The following HHIPL1 variants were observed in gnomAD, a reference collection of about 807,000 sequenced individuals.
HHIPL1 encodes the protein HHIP like 1.
In HHIPL1, 43 loss-of-function variants were observed where a neutral mutation model predicts 61.8. The observed-to-expected ratio is 0.70, with a 90% confidence interval of 0.55 to 0.90. The LOEUF (loss-of-function observed/expected upper bound fraction) is 0.90, where lower values mean the gene tolerates loss of function less well. HHIPL1 is among the 40% of genes least tolerant of loss of function. HHIPL1 has a pLI of 0.00. For synonymous variants in HHIPL1, 482 were observed against 515.8 expected, an observed-to-expected ratio of 0.93 and a Z score of 0.89; for missense variants, 1,056 against 1,157.7, an observed-to-expected ratio of 0.91 and a Z score of 1.28.
At chr14:99,614,915 A>C in the HHIPL1 span, among the ~76,000 whole-genome samples, 1 of 152,218 alleles carries the variant, frequency 6.6e-6, no homozygotes, top group African/African-American at 2.4e-5. Flanking sequence ...TCTGGGACTC[A>C]TGGACACAAG....
chr14:99,670,970 G>A (rs1007750688), intron 7 of HHIPL1, among the ~76,000 whole-genome samples: 11 of 152,192 alleles, frequency 7.2e-5, no homozygotes, highest in African/African-American at 2.4e-4. Flanking sequence ...TTCCAATCCC[G>A]TTTCCCTATT....
Position 99,660,171 on chromosome 14 carries a change from C to T in HHIPL1, c.1376-109C>T. The T allele has an allele frequency of 1.5e-6, 2 of 1,345,742 alleles. No individual in the cohort carries two copies. Among genetic ancestry groups the T allele is most frequent in the Non-Finnish European group, 2.0e-6 (2 of 976,018 alleles). 83.4% of individuals were successfully genotyped at this position (1,345,742 alleles called of 1,614,324 possible). On this transcript the variant is annotated intron_variant, in intron 4 of 8. Coordinates refer to ENST00000330710, the MANE Select transcript of HHIPL1 (RefSeq NM_001127258.3). This position sits in a 1 kb window ranked among gnomAD's most constrained non-coding sequence, Gnocchi z 4.9. Reference sequence around the variant, plus strand: ...CACGCCAGCCCTGCTGTGGGCACGCCCCTCCCTCCGTGGCCGCCCCACCCC... The same window carrying T: ...CACGCCAGCCCTGCTGTGGGCACGCTCCTCCCTCCGTGGCCGCCCCACCCC...
chr14:99,645,009 G>T, upstream of HHIPL1: 1 of 421,462 alleles, frequency 2.4e-6, no homozygotes, highest in Non-Finnish European at 4.0e-6. Flanking sequence ...AGGTCGTGCC[G>T]CATTCTGCGC....
chr14:99,676,399 A>T lies in HHIPL1; in HGVS notation c.*773A>T, dbSNP rs1357653320. The T allele has an allele frequency of 1.3e-5, 2 of 152,296 alleles. No individual in the cohort carries two copies. The highest frequency in any genetic ancestry group is 4.8e-5 in the African/African-American group (2 of 41,436). 9.4% of individuals were successfully genotyped at this position (152,296 alleles called of 1,614,324 possible). A position where few individuals can be genotyped will look rare whatever the true frequency, so the allele number is the denominator to read the frequency against. On this transcript the variant is annotated 3_prime_UTR_variant, in exon 9 of 9. Coordinates refer to ENST00000330710, the MANE Select transcript of HHIPL1 (RefSeq NM_001127258.3). ...CAGCCTCCTCCAACCCTGAGGCCTG[A>T]TTCTCTCTTGCTCTTGGGGCAGAAG...
upstream of HHIPL1, among the ~76,000 whole-genome samples, chr14:99,642,646 C>T (rs1349861636): frequency 6.6e-6 from 1 of 152,058 alleles, no homozygotes; most frequent in Non-Finnish European, 1.5e-5. Context: ...CTGCCTCGGC[C>T]TCCCAAGTAG....
the HHIPL1 span, among the ~76,000 whole-genome samples, chr14:99,610,563 C>T: frequency 6.6e-6 from 1 of 152,174 alleles, no homozygotes; most frequent in Admixed American, 6.5e-5. Context: ...AGTTCGAGAC[C>T]AGCCTGGCTA....
At chr14:99,637,319 T>C in the HHIPL1 span, among the ~76,000 whole-genome samples, 1 of 151,968 alleles carries the variant, frequency 6.6e-6, no homozygotes, top group Non-Finnish European at 1.5e-5. Context: ...CCTAGCACTT[T>C]GGGAGGCCGA....
chr14:99,661,343 C>A (rs1566813221), intron 5 of HHIPL1, among the ~76,000 whole-genome samples: 1 of 149,278 alleles, frequency 6.7e-6, no homozygotes, highest in Non-Finnish European at 1.5e-5. Context: ...AGGACTGAAT[C>A]AGTTAATACA....
intron 6 of HHIPL1, among the ~76,000 whole-genome samples, chr14:99,667,332 T>C (rs1221822236): frequency 6.6e-6 from 1 of 151,914 alleles, no homozygotes; most frequent in Admixed American, 6.6e-5. Flanking sequence ...TTTTTTTTTT[T>C]TCTCAGCTGT....
Position 99,652,580 on chromosome 14 carries a change from T to C in HHIPL1, c.612T>C (p.Asp204=). 1.9e-6 allele frequency: 3 copies of C among 1,613,190 alleles called. No individual in the cohort carries two copies. The highest frequency in any genetic ancestry group is 2.2e-5 in the South Asian group (2 of 91,038). The part of the protein sequence containing the change: ...RNPVAMVHAR[D]GTHRFFVAEQ... ...CCGTGGCCATGGTCCATGCCAGGGA[T>C]GGCACCCACCGCTTCTTCGTGGCCG... Residue 204 remains aspartate (D), a synonymous_variant, in exon 2 of 9, where the codon GAT becomes GAC. Coordinates refer to ENST00000330710, the MANE Select transcript of HHIPL1 (RefSeq NM_001127258.3).
rs2056415677 is a variant in HHIPL1 at position 99,678,960 on chromosome 14, G to C, written c.*3334G>C. The C allele has an allele frequency of 6.6e-6, 1 of 152,230 alleles. No individual in the cohort carries two copies. Among genetic ancestry groups the C allele is most frequent in the Admixed American group, 6.5e-5 (1 of 15,284 alleles). 9.4% of individuals were successfully genotyped at this position (152,230 alleles called of 1,614,324 possible). A position where few individuals can be genotyped will look rare whatever the true frequency, so the allele number is the denominator to read the frequency against. ...TTCTACAACAGCTGACCTCTGCTGA[G>C]CGCTTACTACATGCCAAGCACTGCT... On this transcript the variant is annotated 3_prime_UTR_variant, in exon 9 of 9. Transcript: ENST00000330710.
At chr14:99,619,966 A>T in the HHIPL1 span, among the ~76,000 whole-genome samples, 1 of 152,192 alleles carries the variant, frequency 6.6e-6, no homozygotes, top group Non-Finnish European at 1.5e-5. Flanking sequence ...TGGCCCCAGG[A>T]TGAGGATCCG....
intron 2 of HHIPL1, among the ~76,000 whole-genome samples, chr14:99,656,100 G>A (rs1595154704): frequency 6.6e-6 from 1 of 152,170 alleles, no homozygotes; most frequent in South Asian, 2.1e-4. Flanking sequence ...TGAGTGCACC[G>A]CACACCGTCC....
the HHIPL1 span, among the ~76,000 whole-genome samples, chr14:99,635,514 C>T: frequency 6.6e-6 from 1 of 152,140 alleles, no homozygotes; most frequent in African/African-American, 2.4e-5. Flanking sequence ...CTCCCTGGGC[C>T]TCAGTTTCCC....
rs1293867801 is a variant in HHIPL1, at chr14:99,679,479, G to A, written c.*3853G>A. On this transcript the variant is annotated 3_prime_UTR_variant, in exon 9 of 9. Transcript: ENST00000330710. ...CTGGAGCCTCAGGGTCAATGCTGCA[G>A]GGGTGGCCCAGTGTCCAGGACTGTG... 1 of 152,444 alleles carries A rather than the reference G, an allele frequency of 6.6e-6. No homozygotes were observed. The highest frequency in any genetic ancestry group is 1.5e-5 in the Non-Finnish European group (1 of 68,202). 9.4% of individuals were successfully genotyped at this position (152,444 alleles called of 1,614,324 possible).
At chr14:99,663,080 C>G in intron 6 of HHIPL1, 59 bp downstream of exon 6, 2 of 1,482,816 alleles carry the variant, frequency 1.3e-6, no homozygotes, top group Non-Finnish European at 1.8e-6. Flanking sequence ...GGTCCTCCAC[C>G]CTGTGGTCCT....
chr14:99,644,295 A>G (rs1379500804), upstream of HHIPL1, among the ~76,000 whole-genome samples: 1 of 152,164 alleles, frequency 6.6e-6, no homozygotes. Flanking sequence ...AGGACACTCC[A>G]GGGAGAAGCA....
At chr14:99,632,172 A>G in the HHIPL1 span, among the ~76,000 whole-genome samples, 2 of 152,230 alleles carry the variant, frequency 1.3e-5, no homozygotes, top group African/African-American at 4.8e-5. Flanking sequence ...GGCAGAAAGA[A>G]CAGGAGTAGC....
In HHIPL1 at chr14:99,675,088, CAG is replaced by C. The variant is rs1321476079; in HGVS notation, c.1814_1815del. 8.6e-7 allele frequency: 1 copy of C among 1,167,212 alleles called. No homozygotes were observed. Among genetic ancestry groups the C allele is most frequent in the African/African-American group, 1.7e-5 (1 of 60,042 alleles). 72.3% of individuals were successfully genotyped at this position (1,167,212 alleles called of 1,614,324 possible). ...TCTGACGGCATACTCTTCCTCTGCG[CAG>C]AGTTCATCCCGAAGACACGGAGCAC... On this transcript the variant is annotated splice_acceptor_variant, in intron 8 of 8. Coordinates refer to ENST00000330710, the MANE Select transcript of HHIPL1 (RefSeq NM_001127258.3). LOFTEE classifies it high-confidence loss of function. The surrounding 1 kb of genome is among the most constrained non-coding windows in gnomAD (Gnocchi z 5.4).
Sources: allele counts gnomAD v4.1 joint callset (sites outside exome capture counted in the v4.1 genomes callset), GRCh38; gene constraint gnomAD v4.1.1; non-coding constraint Gnocchi (gnomAD v3.1); transcripts MANE v1.5; gene names NCBI Gene and HGNC (gene_info 2026-07-23, HGNC 2026-07-21).